BNC2: variants seen among roughly 807,000 people sequenced by gnomAD.
The protein encoded by BNC2 is basonuclin zinc finger protein 2, also known as zinc finger protein basonuclin-2.
A neutral mutation model predicts 76.3 loss-of-function variants in BNC2; 20 were observed. That is an observed-to-expected ratio of 0.26 (90% CI 0.18 to 0.38). The LOEUF is 0.38. Among genes scored for constraint, BNC2 ranks in the 10% least tolerant of loss-of-function variants. The pLI, the probability that BNC2 is intolerant of heterozygous loss-of-function variation, is 1.00. For synonymous variants in BNC2, 582 were observed against 514.8 expected (o/e 1.13, Z -1.77); for missense variants, 1,382 against 1,399.8 (o/e 0.99, Z 0.20).
chr9:16,439,877 A>G (rs1157805795), intron 5 of BNC2, among the ~76,000 whole-genome samples: 1 of 152,176 alleles, frequency 6.6e-6, no homozygotes, highest in Non-Finnish European at 1.5e-5. Flanking sequence ...CATCATGTAG[A>G]TAGAATTGGC....
In BNC2 at chr9:16,416,752, C is replaced by T. The variant is rs551380597; in HGVS notation, c.*2237G>A. 1.3e-5 allele frequency: 2 copies of T among 152,706 alleles called. No individual in the cohort carries two copies. The highest frequency in any genetic ancestry group is 2.9e-5 in the Non-Finnish European group (2 of 68,014). 9.5% of individuals were successfully genotyped at this position (152,706 alleles called of 1,614,324 possible). ...GAAAAGATAAAGCTCCTAGACATAG[C>T]TAGCTTATCTTTAAGAATCTATTGT... On this transcript the variant is annotated 3_prime_UTR_variant, in exon 7 of 7. Coordinates refer to ENST00000380672, the MANE Select transcript of BNC2 (RefSeq NM_017637.6).
rs1267063496 is a variant in BNC2, at chr9:16,410,098, G to C, written c.*8891C>G. On this transcript the variant is annotated 3_prime_UTR_variant, in exon 7 of 7. Transcript: ENST00000380672. Reference sequence around the variant, plus strand: ...ACACCAATGGGTCTGGAGTAAGAAAGGTGTGTGTTCTCCCAGCTGTGTGAG... The same window carrying C: ...ACACCAATGGGTCTGGAGTAAGAAACGTGTGTGTTCTCCCAGCTGTGTGAG... The C allele has an allele frequency of 6.6e-6, 1 of 152,156 alleles. No individual in the cohort carries two copies. The highest frequency in any genetic ancestry group is 1.5e-5 in the Non-Finnish European group (1 of 68,042). The allele number at this position is 152,156 out of a possible 1,614,324, so 9.4% of individuals were successfully genotyped here. A position where few individuals can be genotyped will look rare whatever the true frequency, so the allele number is the denominator to read the frequency against.
In BNC2 at chr9:16,659,148, G is replaced by A. The variant is rs554888355; in HGVS notation, c.330+68649C>T. Reference sequence around the variant, plus strand: ...TGTGGGTAAATGGCAGATGGATGGCGGGGGGGGGCATGTGAATGCACACAC... The same window carrying A: ...TGTGGGTAAATGGCAGATGGATGGCAGGGGGGGGCATGTGAATGCACACAC... On this transcript the variant is annotated intron_variant, in intron 3 of 6. Transcript: ENST00000380672. 6.6e-4 allele frequency among the ~76,000 whole-genome samples: 33 copies of A among 50,270 alleles called. No homozygotes were observed. In the African/African-American group the frequency reaches 7.1e-3, roughly 11 times the overall value. 33.0% of individuals were successfully genotyped at this position (50,270 alleles called of 152,430 possible). A position where few individuals can be genotyped will look rare whatever the true frequency, so the allele number is the denominator to read the frequency against.
chr9:16,613,971 A>C (rs1475869019), intron 3 of BNC2, among the ~76,000 whole-genome samples: 1 of 152,228 alleles, frequency 6.6e-6, no homozygotes, highest in South Asian at 2.1e-4. Context: ...TACCATATGG[A>C]TAACAGCCAC....
At chr9:16,804,703 T>A (rs1282164927) in intron 1 of BNC2, among the ~76,000 whole-genome samples, 2 of 152,144 alleles carry the variant, frequency 1.3e-5, no homozygotes, top group African/African-American at 4.8e-5. Flanking sequence ...AAGCAAATGG[T>A]GCATTTATTT....
chr9:16,702,469 T>A (rs1823542210), intron 3 of BNC2, among the ~76,000 whole-genome samples: 1 of 147,782 alleles, frequency 6.8e-6, no homozygotes, highest in Non-Finnish European at 1.5e-5. Flanking sequence ...TCCACAAAGA[T>A]CAACCTAATG....
intron 5 of BNC2, among the ~76,000 whole-genome samples, chr9:16,447,935 T>C (rs1821261586): frequency 6.6e-6 from 1 of 152,114 alleles, no homozygotes; most frequent in South Asian, 2.1e-4. Context: ...ATGGAGATGA[T>C]AACTAGTGGA....
chr9:16,794,518 C>A (rs1233875059), intron 1 of BNC2, among the ~76,000 whole-genome samples: 1 of 152,132 alleles, frequency 6.6e-6, no homozygotes, highest in Non-Finnish European at 1.5e-5. Context: ...ATCCGTATGA[C>A]AACTGTAAAA....
chr9:16,480,627 G>C (rs867777863), intron 5 of BNC2, among the ~76,000 whole-genome samples: 1 of 152,218 alleles, frequency 6.6e-6, no homozygotes, highest in Non-Finnish European at 1.5e-5. Flanking sequence ...CTGCTGGACC[G>C]GGCAATGAGG....
chr9:16,618,438 A>G (rs1017220086), intron 3 of BNC2, among the ~76,000 whole-genome samples: 2 of 152,180 alleles, frequency 1.3e-5, no homozygotes, highest in African/African-American at 2.4e-5. Context: ...GAAGAAAGCT[A>G]TATCGAGCAT....
Position 16,731,742 on chromosome 9 carries a change from C to CT in BNC2, c.130-3746dup, listed in dbSNP as rs569276762. On this transcript the variant is annotated intron_variant, in intron 2 of 6. Transcript: ENST00000380672. ...AGACTGCTGTAATTAAACATTTTCC[C>CT]TGTAACTTTCGAGCTGACACCTTAT... 3.7e-4 allele frequency among the ~76,000 whole-genome samples: 57 copies of CT among 152,220 alleles called. 1 individual carries two copies. Among genetic ancestry groups the CT allele is most frequent in the African/African-American group, 1.2e-3 (50 of 41,540 alleles).
intron 1 of BNC2, among the ~76,000 whole-genome samples, chr9:16,757,979 C>T (rs1183316492): frequency 2.6e-5 from 4 of 152,154 alleles, no homozygotes; most frequent in Non-Finnish European, 4.4e-5. Context: ...GCTTAAAACA[C>T]ACAGTTCTTA....
rs564151810 is a variant in BNC2, at chr9:16,463,858, G to C, written c.670-26334C>G. ...TGTCTGTAATCCCAGCACTTCGGGA[G>C]GCCAAGGCAGGCAGATCACTTGAGG... On this transcript the variant is annotated intron_variant, in intron 5 of 6. Transcript: ENST00000380672. Among the ~76,000 whole-genome samples the C allele has an allele frequency of 5.9e-5, 9 of 152,012 alleles. No individual in the cohort carries two copies. In the East Asian group the frequency reaches 1.6e-3, roughly 27 times the overall value.
At position 16,852,456 on chromosome 9, in the gene BNC2, T is replaced by C. The variant is rs920942236; in HGVS notation, c.3+18190A>G. On this transcript the variant is annotated intron_variant, in intron 1 of 6. Transcript: ENST00000380672. ...TTGATAACTATTGATAAAGAATCCG[T>C]TCATATTCACAAGGACAATCATATG... 1.3e-5 allele frequency among the ~76,000 whole-genome samples: 2 copies of C among 152,266 alleles called. 1 individual carries two copies. Among genetic ancestry groups the C allele is most frequent in the African/African-American group, 4.8e-5 (2 of 41,550 alleles).
At chr9:16,764,015 G>C (rs1016852447) in intron 1 of BNC2, among the ~76,000 whole-genome samples, 4 of 152,128 alleles carry the variant, frequency 2.6e-5, no homozygotes, top group Non-Finnish European at 5.9e-5. Context: ...CTATTTATTT[G>C]AGTTACCAAG....
At chr9:16,862,628 CAG>C (rs1302032146) in intron 1 of BNC2, among the ~76,000 whole-genome samples, 5 of 152,230 alleles carry the variant, frequency 3.3e-5, no homozygotes, top group Non-Finnish European at 5.9e-5. Context: ...AGGATACCTG[CAG>C]AGAGTAGCTA....
intron 5 of BNC2, among the ~76,000 whole-genome samples, chr9:16,552,304 A>G (rs1818686626): frequency 6.6e-6 from 1 of 152,180 alleles, no homozygotes; most frequent in Non-Finnish European, 1.5e-5. Context: ...GGTGCAAACA[A>G]AGGTAACGCA....
chr9:16,778,392 GA>G (rs1188220008), intron 1 of BNC2, among the ~76,000 whole-genome samples: 1 of 151,976 alleles, frequency 6.6e-6, no homozygotes, highest in South Asian at 2.1e-4. Flanking sequence ...AACTTTGGAA[GA>G]AAAAACCCCC....
At chr9:16,785,128 T>A (rs1019034221) in intron 1 of BNC2, among the ~76,000 whole-genome samples, 1 of 152,184 alleles carries the variant, frequency 6.6e-6, no homozygotes, top group South Asian at 2.1e-4. Context: ...AACGGGAACT[T>A]TAAACCCACC....
Sources: allele counts gnomAD v4.1 joint callset (sites outside exome capture counted in the v4.1 genomes callset), GRCh38; gene constraint gnomAD v4.1.1; transcripts MANE v1.5; gene names NCBI Gene and HGNC (gene_info 2026-07-23, HGNC 2026-07-21).